ZGRF1: variants seen among roughly 807,000 people sequenced by gnomAD.
The protein encoded by ZGRF1 is zinc finger GRF-type containing 1, also known as 5'-3' DNA helicase ZGRF1.
In ZGRF1, 196 loss-of-function variants were observed where a neutral mutation model predicts 203.5. That is an observed-to-expected ratio of 0.96 (90% CI 0.86 to 1.08). The LOEUF is 1.08. Ranked by LOEUF, ZGRF1 falls within the 50% of genes least tolerant of loss-of-function variation. The pLI is 0.00. For synonymous variants in ZGRF1, 809 were observed against 841.3 expected (o/e 0.96, Z 0.66); for missense variants, 2,326 against 2,416.3 (o/e 0.96, Z 0.78).
Position 112,583,813 on chromosome 4 carries a change from T to TA in ZGRF1, c.4298+164dup, listed in dbSNP as rs140732512. Among the ~76,000 whole-genome samples the TA allele has an allele frequency of 2.2e-3, 314 of 145,084 alleles. 8 individuals carry two copies. Among genetic ancestry groups the TA allele is most frequent in the Non-Finnish European group, 1.4e-3 (93 of 65,654 alleles). ...GAGCAAGAGCTTGTAACTATATAAT[T>TA]AAAAAAAAAAAGACTTATTCCCATT... is the stretch of plus-strand genomic sequence containing the variant. On this transcript the variant is annotated intron_variant, in intron 15 of 27. Transcript: ENST00000505019.
Position 112,581,782 on chromosome 4 carries a change from C to A in ZGRF1, c.4319G>T (p.Arg1440Ile). 1 of 1,430,834 alleles carries A rather than the reference C, an allele frequency of 7.0e-7. No individual in the cohort carries two copies. The highest frequency in any genetic ancestry group is 9.3e-7 in the Non-Finnish European group (1 of 1,071,876). The allele number at this position is 1,430,834 out of a possible 1,614,324, so 88.6% of individuals were successfully genotyped here. A position where few individuals can be genotyped will look rare whatever the true frequency, so the allele number is the denominator to read the frequency against. The stretch of plus-strand genomic sequence containing the variant: ...CTTCTTTAGTTTGCCATACTGTTTT[C>A]TCTGAAAATCAAATCCTTTTCTGAA... ...LLVRKGFDFQ[R>I]KQYGKLKKFT... The change falls in exon 16 of 28, where the codon AGA becomes ATA. Residue 1440 changes from arginine (R) to isoleucine (I), a missense_variant. Transcript: ENST00000505019.
At chr4:112,571,862 T>A (rs774163649) in intron 16 of ZGRF1, among the ~76,000 whole-genome samples, 9 of 152,210 alleles carry the variant, frequency 5.9e-5, no homozygotes, top group Non-Finnish European at 1.0e-4. Context: ...ACTTGCACTA[T>A]TTGATATTTG....
chr4:112,594,634 G>A (rs938999417), intron 10 of ZGRF1, among the ~76,000 whole-genome samples: 15 of 151,238 alleles, frequency 9.9e-5, no homozygotes, highest in Admixed American at 3.3e-4. Flanking sequence ...TGTATTTTTG[G>A]TAGAGATGGG....
At chr4:112,624,157 A>C (rs2047153160) in intron 3 of ZGRF1, among the ~76,000 whole-genome samples, 1 of 129,970 alleles carries the variant, frequency 7.7e-6, no homozygotes, top group African/African-American at 2.9e-5. Flanking sequence ...AAATCTTGCT[A>C]CTGCTCAAAA....
chr4:112,606,657 CAA>C (rs201280347), intron 8 of ZGRF1, among the ~76,000 whole-genome samples: 6 of 91,760 alleles, frequency 6.5e-5, no homozygotes, highest in African/African-American at 8.3e-5. Context: ...AACTCCGTCT[CAA>C]AAAAAAAAAA....
chr4:112,622,745 G>A (rs1181008095), intron 4 of ZGRF1, among the ~76,000 whole-genome samples: 1 of 152,030 alleles, frequency 6.6e-6, no homozygotes, highest in Non-Finnish European at 1.5e-5. Context: ...ACTAAAATAT[G>A]CCTTTAGTTC....
chr4:112,588,172 C>CT (rs1335928522), intron 11 of ZGRF1, among the ~76,000 whole-genome samples: 2 of 150,980 alleles, frequency 1.3e-5, no homozygotes, highest in Non-Finnish European at 3.0e-5. Context: ...TCTTCTCCTC[C>CT]TTTTTTTTTC....
chr4:112,599,554 TAAA>T (rs558887822), intron 10 of ZGRF1, among the ~76,000 whole-genome samples: 10 of 127,806 alleles, frequency 7.8e-5, no homozygotes, highest in Non-Finnish European at 8.4e-5. Flanking sequence ...ACCCTGTGTC[TAAA>T]AAAAAAAAAA....
intron 12 of ZGRF1, 38 bp from the exon 13 acceptor site, chr4:112,586,621 G>C: frequency 6.8e-7 from 1 of 1,467,892 alleles, no homozygotes; most frequent in Non-Finnish European, 9.2e-7. Context: ...AGCAACTCCA[G>C]AAAAATACTG....
intron 6 of ZGRF1, among the ~76,000 whole-genome samples, chr4:112,612,816 TTTTG>T (rs548785152): frequency 2.0e-5 from 3 of 152,166 alleles, no homozygotes. Context: ...ATGAAAGCCT[TTTTG>T]TTTACTTTCT....
intron 24 of ZGRF1, 88 bp downstream of exon 24, chr4:112,547,197 C>A: frequency 7.6e-7 from 1 of 1,323,062 alleles, no homozygotes; most frequent in Non-Finnish European, 1.0e-6. Context: ...AGGACTAAGT[C>A]TTCTAATATT....
chr4:112,545,282 C>A (rs1309552980), intron 24 of ZGRF1, among the ~76,000 whole-genome samples: 1 of 150,538 alleles, frequency 6.6e-6, no homozygotes, highest in Non-Finnish European at 1.5e-5. Context: ...AAAAAAAAAC[C>A]TCCTATAACT....
Position 112,617,851 on chromosome 4 carries a change from T to G in ZGRF1, c.2191A>C (p.Thr731Pro), listed in dbSNP as rs1251884815. 3 of 1,613,910 alleles carry G rather than the reference T, an allele frequency of 1.9e-6. No homozygotes were observed. Among genetic ancestry groups the G allele is most frequent in the African/African-American group, 2.7e-5 (2 of 74,910 alleles). The change falls in exon 6 of 28, where the codon ACT becomes CCT. Residue 731 changes from threonine (T) to proline (P), a missense_variant. Physicochemically the swap from Thr to Pro is conservative, Grantham distance 38 (BLOSUM62 -1). Transcript: ENST00000505019. ...DKNDEHVLPS[T>P]SSSDNSVQLL... is the part of the protein sequence containing the mutation. ...TGGACACTGTTGTCACTACTAGAAG[T>G]TGAGGGTAAAACATGTTCATCATTT...
chr4:112,581,198 T>A lies in ZGRF1; in HGVS notation c.4438+465A>T, dbSNP rs1038889459. ...CAAGGACAAAAAACCAAACACCGCA[T>A]GTTCTCACTCATAGGTGGGAACTGA... On this transcript the variant is annotated intron_variant, in intron 16 of 27. Transcript: ENST00000505019. Among the ~76,000 whole-genome samples, 4 of 146,414 alleles carry A rather than the reference T, an allele frequency of 2.7e-5. No individual in the cohort carries two copies. The East Asian group carries it at 6.0e-4, about 22-fold the overall frequency.
At chr4:112,543,840 A>G (rs1413297597) in intron 24 of ZGRF1, among the ~76,000 whole-genome samples, 4 of 152,150 alleles carry the variant, frequency 2.6e-5, no homozygotes, top group Non-Finnish European at 1.5e-5. Context: ...AAGAATTTAG[A>G]TAACTTTTTA....
At chr4:112,604,293 C>A (rs1750436987) in intron 9 of ZGRF1, among the ~76,000 whole-genome samples, 1 of 151,642 alleles carries the variant, frequency 6.6e-6, no homozygotes. Flanking sequence ...TTATTACAAG[C>A]ATAAAGATGA....
Position 112,553,956 on chromosome 4 carries a change from C to T in ZGRF1, c.5225G>A (p.Ser1742Asn), listed in dbSNP as rs767796398. The T allele has an allele frequency of 6.2e-7, 1 of 1,608,624 alleles. No homozygotes were observed. Among genetic ancestry groups the T allele is most frequent in the Non-Finnish European group, 8.5e-7 (1 of 1,178,558 alleles). The change falls in exon 22 of 28, where the codon AGT (serine) becomes AAT (asparagine). Residue 1742 changes from serine (S) to asparagine (N), a missense_variant. Coordinates refer to ENST00000505019, the MANE Select transcript of ZGRF1 (RefSeq NM_018392.5). The part of the protein sequence containing the change: ...YSLHAGSENE[S>N]EQLKELHALM... ...TGCATGTAGTTCTTTTAACTGTTCA[C>T]TTTCATTTTCTGAGCCAGCATGCAA...
Position 112,618,462 on chromosome 4 carries a change from A to T in ZGRF1, c.1580T>A (p.Phe527Tyr), listed in dbSNP as rs773730894. ...HESLSNVTQPFLEVTFNLNNF... is the reference protein window; with the variant it reads ...HESLSNVTQPYLEVTFNLNNF... The stretch of plus-strand genomic sequence containing the variant: ...GTTCAGATTAAAAGTTACCTCCAAA[A>T]ATGGTTGTGTTACATTACTCAGAGA... Residue 527 changes from phenylalanine (F) to tyrosine (Y), a missense_variant, in exon 6 of 28, where the codon TTT becomes TAT. Phe to Tyr is a conservative substitution (Grantham distance 22). Transcript: ENST00000505019. 15 of 1,613,550 alleles carry T rather than the reference A, an allele frequency of 9.3e-6. No individual in the cohort carries two copies. Among genetic ancestry groups the T allele is most frequent in the Non-Finnish European group, 1.3e-5 (15 of 1,179,884 alleles).
chr4:112,552,656 T>G (rs1057195421), intron 22 of ZGRF1, among the ~76,000 whole-genome samples: 3 of 152,154 alleles, frequency 2.0e-5, no homozygotes, highest in African/African-American at 7.2e-5. Flanking sequence ...AGTCTGAAGT[T>G]TTCTGAGGAC....
Sources: allele counts gnomAD v4.1 joint callset (sites outside exome capture counted in the v4.1 genomes callset), GRCh38; gene constraint gnomAD v4.1.1; transcripts MANE v1.5; gene names NCBI Gene and HGNC (gene_info 2026-07-23, HGNC 2026-07-21).